RBFOX2: variants seen among roughly 807,000 people sequenced by gnomAD.
RBFOX2 encodes RNA binding fox-1 homolog 2.
In RBFOX2, 10 loss-of-function variants were observed where a neutral mutation model predicts 49.1. The observed-to-expected ratio is 0.20, with a 90% confidence interval of 0.13 to 0.35. The LOEUF is 0.35. Among genes scored for constraint, RBFOX2 ranks in the 10% least tolerant of loss-of-function variants. The pLI is 1.00. For synonymous variants in RBFOX2, 183 were observed against 187.4 expected, an observed-to-expected ratio of 0.98 and a Z score of 0.19; for missense variants, 323 against 486.9, an observed-to-expected ratio of 0.66 and a Z score of 3.17.
intron 1 of RBFOX2, among the ~76,000 whole-genome samples, chr22:35,980,426 G>A (rs567759271): frequency 1.3e-5 from 2 of 152,262 alleles, no homozygotes; most frequent in African/African-American, 4.8e-5. Context: ...CTGGATAATT[G>A]CCAAAAGTTC....
chr22:35,899,163 A>ATAACATAACG (rs1419390695), intron 1 of RBFOX2, among the ~76,000 whole-genome samples: 1 of 151,776 alleles, frequency 6.6e-6, no homozygotes, highest in Non-Finnish European at 1.5e-5. Flanking sequence ...ATAACATAAC[A>ATAACATAACG]TAACATAACA....
At chr22:35,850,862 A>C (rs1216866504) in intron 1 of RBFOX2, among the ~76,000 whole-genome samples, 1 of 152,196 alleles carries the variant, frequency 6.6e-6, no homozygotes, top group Non-Finnish European at 1.5e-5. Flanking sequence ...TAAAAGACAA[A>C]CCAGTTGTAA....
At chr22:35,766,633 A>G (rs543529960) in intron 5 of RBFOX2, among the ~76,000 whole-genome samples, 1 of 152,332 alleles carries the variant, frequency 6.6e-6, no homozygotes, top group African/African-American at 2.4e-5. Flanking sequence ...GGATACAACA[A>G]TGATGAGACT....
intron 1 of RBFOX2, among the ~76,000 whole-genome samples, chr22:35,866,772 G>C (rs865919218): frequency 6.6e-6 from 1 of 152,152 alleles, no homozygotes. Flanking sequence ...GGCCTAGCAA[G>C]ACAGAAAACA....
Position 35,953,315 on chromosome 22 carries a change from T to A in RBFOX2, c.42+8248A>T, listed in dbSNP as rs542228591. Among the ~76,000 whole-genome samples, 3 of 151,122 alleles carry A rather than the reference T, an allele frequency of 2.0e-5. No individual in the cohort carries two copies. In the South Asian group the frequency reaches 6.3e-4, roughly 32 times the overall value. ...GCTATATACACACAAAGGAATATCA[T>A]TCAGTTATAAAAAGGAAAGAAGTAC... On this transcript the variant is annotated intron_variant, in intron 1 of 5. Coordinates refer to the RBFOX2 transcript ENST00000408983.
chr22:36,012,194 G>C (rs2058847186), intron 1 of RBFOX2, among the ~76,000 whole-genome samples: 1 of 152,014 alleles, frequency 6.6e-6, no homozygotes. Context: ...TTAAATATAC[G>C]GCATGCCAAA....
chr22:35,807,656 C>G (rs532975205), intron 2 of RBFOX2, among the ~76,000 whole-genome samples: 1 of 151,786 alleles, frequency 6.6e-6, no homozygotes, highest in African/African-American at 2.4e-5. Flanking sequence ...TAAAATCAAT[C>G]ACCTAAGCTT....
At chr22:36,026,625 C>A (rs1276864079) in intron 1 of RBFOX2, among the ~76,000 whole-genome samples, 1 of 152,014 alleles carries the variant, frequency 6.6e-6, no homozygotes, top group African/African-American at 2.4e-5. Context: ...TCCTTATCAT[C>A]CAATATTAGC....
chr22:35,801,256 T>C (rs1949728838), intron 2 of RBFOX2, among the ~76,000 whole-genome samples: 1 of 152,200 alleles, frequency 6.6e-6, no homozygotes, highest in African/African-American at 2.4e-5. Context: ...TAGATTTAAT[T>C]GGCCACATGA....
chr22:35,900,778 C>A (rs550939377), intron 1 of RBFOX2, among the ~76,000 whole-genome samples: 1 of 152,246 alleles, frequency 6.6e-6, no homozygotes, highest in Admixed American at 6.5e-5. Context: ...ATCTCAGGCC[C>A]CACCCTAGAC....
intron 1 of RBFOX2, among the ~76,000 whole-genome samples, chr22:35,905,969 G>A (rs1449823808): frequency 1.3e-5 from 2 of 152,122 alleles, no homozygotes; most frequent in African/African-American, 4.8e-5. Flanking sequence ...GTAACATGCT[G>A]TACTGGTTTG....
intron 1 of RBFOX2, among the ~76,000 whole-genome samples, chr22:35,892,708 C>T (rs1028848448): frequency 1.6e-4 from 25 of 152,130 alleles, no homozygotes; most frequent in Admixed American, 2.0e-4. Flanking sequence ...ATCACCTAGA[C>T]CTAAACATCC....
intron 1 of RBFOX2, among the ~76,000 whole-genome samples, chr22:35,888,692 G>T (rs1202708401): frequency 6.6e-6 from 1 of 152,148 alleles, no homozygotes; most frequent in East Asian, 1.9e-4. Context: ...TCAGGCTTCT[G>T]CCCTCATCAT....
chr22:35,814,761 G>GA (rs1348785764), intron 1 of RBFOX2, among the ~76,000 whole-genome samples: 1 of 111,444 alleles, frequency 9.0e-6, no homozygotes, highest in Non-Finnish European at 2.0e-5. Flanking sequence ...AAAGTGTCAA[G>GA]AAAAAAGAGT....
intron 1 of RBFOX2, among the ~76,000 whole-genome samples, chr22:35,851,121 T>C (rs545358220): frequency 6.6e-6 from 1 of 152,310 alleles, no homozygotes; most frequent in African/African-American, 2.4e-5. Context: ...TTACGGTCAC[T>C]GTAATTTATT....
At chr22:35,983,255 T>A (rs2057546050) in intron 1 of RBFOX2, among the ~76,000 whole-genome samples, 1 of 152,200 alleles carries the variant, frequency 6.6e-6, no homozygotes, top group Admixed American at 6.6e-5. Flanking sequence ...AGGAGGCTTT[T>A]ACCAGCTCTA....
intron 1 of RBFOX2, among the ~76,000 whole-genome samples, chr22:35,846,885 A>T (rs2041288558): frequency 6.6e-6 from 1 of 152,196 alleles, no homozygotes; most frequent in Admixed American, 6.5e-5. Flanking sequence ...CCAATAATTT[A>T]AGACCCTGTT....
At chr22:36,008,007 G>C (rs918037556) in intron 1 of RBFOX2, among the ~76,000 whole-genome samples, 6 of 152,044 alleles carry the variant, frequency 3.9e-5, no homozygotes, top group African/African-American at 1.4e-4. Flanking sequence ...CTTATACGCA[G>C]ATGCAAGAGC....
intron 1 of RBFOX2, among the ~76,000 whole-genome samples, chr22:35,924,636 TC>T (rs2051412218): frequency 1.3e-5 from 2 of 152,178 alleles, no homozygotes; most frequent in Admixed American, 1.3e-4. Context: ...TTTTGCTTTT[TC>T]CCCCACTTTG....
Sources: gnomAD v4.1 joint callset for allele counts (sites outside exome capture counted in the v4.1 genomes callset) on GRCh38, gnomAD v4.1.1 for gene constraint, MANE v1.5 for transcripts, NCBI Gene and HGNC (gene_info 2026-07-23, HGNC 2026-07-21) for gene names.